Variants in ZNF248 observed in about 807,000 individuals in gnomAD.
The protein encoded by ZNF248 is KRAB protein domain.
A neutral mutation model predicts 44.3 loss-of-function variants in ZNF248; 20 were observed. The observed-to-expected ratio is 0.45, with a 90% confidence interval of 0.32 to 0.66. ZNF248 has a LOEUF of 0.66. Ranked by LOEUF, ZNF248 falls within the 30% of genes least tolerant of loss-of-function variation. The pLI is 0.04. For missense variants in ZNF248, 654 were observed against 677.0 expected (o/e 0.97, Z 0.38); for synonymous variants, 224 against 229.0 (o/e 0.98, Z 0.20).
rs559519033 is a variant in ZNF248, at chr10:37,796,619, A to T, written c.331-20044T>A. On this transcript the variant is annotated intron_variant, in intron 6 of 6. Coordinates refer to the ZNF248 transcript ENST00000615949. ...TTATGAGTGCTGATATAGTCATCTT[A>T]GTCTATCAGAGTTGTTTAGTAATAA... 3.3e-5 allele frequency among the ~76,000 whole-genome samples: 5 copies of T among 152,206 alleles called. No homozygotes were observed. The East Asian group carries it at 7.7e-4, about 23-fold the overall frequency.
the ZNF248 span, among the ~76,000 whole-genome samples, chr10:37,761,491 A>C: frequency 6.6e-6 from 1 of 152,260 alleles, no homozygotes; most frequent in East Asian, 1.9e-4. Context: ...ATCAATGAAC[A>C]ATTAAACTTA....
intron 6 of ZNF248, among the ~76,000 whole-genome samples, chr10:37,812,141 G>A (rs2051611483): frequency 6.6e-6 from 1 of 152,058 alleles, no homozygotes; most frequent in South Asian, 2.1e-4. Context: ...GGAGGCTGGG[G>A]TGAGAGGATC....
At chr10:37,758,818 G>A in the ZNF248 span, among the ~76,000 whole-genome samples, 21 of 152,266 alleles carry the variant, frequency 1.4e-4, no homozygotes, top group East Asian at 1.9e-4. Flanking sequence ...TGTTTTTAAT[G>A]TTTTTGATGT....
chr10:37,764,264 C>T, the ZNF248 span, among the ~76,000 whole-genome samples: 2 of 152,268 alleles, frequency 1.3e-5, no homozygotes, highest in East Asian at 1.9e-4. Flanking sequence ...AAATAAGCCC[C>T]GGTCTCCCGT....
At chr10:37,858,025 CGGAGGCGAGG>C (rs2061602099), upstream of ZNF248, 1 of 152,304 alleles carries the variant, frequency 6.6e-6, no homozygotes, top group South Asian at 2.1e-4. Context: ...TCGCCGCCTC[CGGAGGCGAGG>C]GATTGTTTCC....
chr10:37,820,087 T>G (rs2053209237), intron 6 of ZNF248: 1 of 859,914 alleles, frequency 1.2e-6, no homozygotes, highest in South Asian at 1.3e-5. Flanking sequence ...CTGTAGCATC[T>G]TTTGCTGTTC....
downstream of ZNF248, among the ~76,000 whole-genome samples, chr10:37,824,540 A>C (rs896139572): frequency 6.6e-5 from 10 of 152,130 alleles, no homozygotes; most frequent in Admixed American, 6.5e-4. Flanking sequence ...GTAAATGTTT[A>C]CCTCACATAA....
chr10:37,780,336 G>A (rs1436392589), intron 6 of ZNF248, among the ~76,000 whole-genome samples: 1 of 152,198 alleles, frequency 6.6e-6, no homozygotes, highest in Non-Finnish European at 1.5e-5. Flanking sequence ...CAATGGAACA[G>A]AACAGAGCCC....
rs1036773527 is a variant in ZNF248 at position 37,831,197 on chromosome 10, C to G, written c.*418G>C. On this transcript the variant is annotated 3_prime_UTR_variant, in exon 6 of 6. Coordinates refer to ENST00000395867, the MANE Select transcript of ZNF248 (RefSeq NM_021045.3). ...TCATGTTGAGTTCCAATATACAAAT[C>G]AAGCATACTCAAATTTATATATTTG... 1 of 1,541,192 alleles carries G rather than the reference C, an allele frequency of 6.5e-7. No homozygotes were observed. Among genetic ancestry groups the G allele is most frequent in the African/African-American group, 1.4e-5 (1 of 72,772 alleles).
chr10:37,831,458 A>C lies in ZNF248; in HGVS notation c.*157T>G. On this transcript the variant is annotated 3_prime_UTR_variant, in exon 6 of 6. Transcript: ENST00000395867. The stretch of plus-strand genomic sequence containing the variant: ...AGATGAATAGAATTCCCCTCAGTAC[A>C]AATTTTCTAATGAAAAGTTTTAATT... 1.4e-6 allele frequency: 2 copies of C among 1,460,932 alleles called. No homozygotes were observed. The highest frequency in any genetic ancestry group is 1.8e-6 in the Non-Finnish European group (2 of 1,108,374). 90.5% of individuals were successfully genotyped at this position (1,460,932 alleles called of 1,614,324 possible).
chr10:37,831,952 G>A lies in ZNF248; in HGVS notation c.1403C>T (p.Ala468Val). 6.2e-7 allele frequency: 1 copy of A among 1,613,340 alleles called. No homozygotes were observed. The highest frequency in any genetic ancestry group is 2.2e-5 in the East Asian group (1 of 44,840). The change falls in exon 6 of 6, where the codon GCA becomes GTA. Residue 468 changes from alanine to valine, a missense_variant. Coordinates refer to ENST00000395867, the MANE Select transcript of ZNF248 (RefSeq NM_021045.3). The stretch of plus-strand genomic sequence containing the variant: ...TCTGTGGCAGAAGGATTTCCCACAT[G>A]CATTACATTCATAGGGCTTCTCCCC... ...HTGEKPYECN[A>V]CGKSFCHRSA...
chr10:37,810,701 T>C (rs1208693), intron 6 of ZNF248, among the ~76,000 whole-genome samples: 9,116 of 152,276 alleles, frequency 0.06, 353 homozygotes, highest in Middle Eastern at 0.095. Context: ...ATTTACTATC[T>C]AGAAATACAC....
At chr10:37,815,061 A>AT (rs201493597) in intron 6 of ZNF248, among the ~76,000 whole-genome samples, 8,648 of 149,342 alleles carry the variant, frequency 0.058, 381 homozygotes, top group Non-Finnish European at 0.079. Flanking sequence ...GGCTTTCTTC[A>AT]TTTTTTTTTC....
intron 3 of ZNF248, among the ~76,000 whole-genome samples, chr10:37,845,075 G>A (rs1356463815): frequency 1.2e-5 from 1 of 83,154 alleles, no homozygotes; most frequent in Non-Finnish European, 2.6e-5. Flanking sequence ...GAGTTCAATG[G>A]CTCCAACTAG....
chr10:37,815,153 G>A (rs2052234126), intron 6 of ZNF248, among the ~76,000 whole-genome samples: 1 of 151,644 alleles, frequency 6.6e-6, no homozygotes. Context: ...TGCAACCTCT[G>A]CCTCCTGGGT....
intron 3 of ZNF248, among the ~76,000 whole-genome samples, chr10:37,849,405 G>C (rs539888149): frequency 6.6e-6 from 1 of 152,260 alleles, no homozygotes; most frequent in African/African-American, 2.4e-5. Flanking sequence ...GAAACGGCCG[G>C]GCACAGTGGC....
At chr10:37,778,056 T>A (rs1028954251) in intron 6 of ZNF248, among the ~76,000 whole-genome samples, 1 of 152,166 alleles carries the variant, frequency 6.6e-6, no homozygotes, top group Non-Finnish European at 1.5e-5. Context: ...TACCCAGTAA[T>A]GGGATGGCTG....
intron 3 of ZNF248, among the ~76,000 whole-genome samples, chr10:37,844,781 A>T (rs1314714487): frequency 6.6e-6 from 1 of 152,224 alleles, no homozygotes; most frequent in Non-Finnish European, 1.5e-5. Context: ...ACAAAAAATC[A>T]GCTAAACAGA....
rs562576328 is a variant in ZNF248, at chr10:37,777,462, C to T, written c.331-887G>A. 7.2e-5 allele frequency among the ~76,000 whole-genome samples: 11 copies of T among 152,056 alleles called. No individual in the cohort carries two copies. In the East Asian group the frequency reaches 9.7e-4, roughly 13 times the overall value. ...ATACAATTTGGCTTCCAGCCCAATGCGTCTCCAGAATCGCAATTCCTAAAA... is the reference window on the plus strand; with the variant it reads ...ATACAATTTGGCTTCCAGCCCAATGTGTCTCCAGAATCGCAATTCCTAAAA... On this transcript the variant is annotated intron_variant, in intron 6 of 6. Transcript: ENST00000615949.
Sources: gnomAD v4.1 joint callset for allele counts (sites outside exome capture counted in the v4.1 genomes callset) on GRCh38, gnomAD v4.1.1 for gene constraint, MANE v1.5 for transcripts, NCBI Gene and HGNC (gene_info 2026-07-23, HGNC 2026-07-21) for gene names.